Variants in ZNF577 observed in about 807,000 individuals in gnomAD.
ZNF577 encodes zinc finger protein 577.
A neutral mutation model predicts 13.9 loss-of-function variants in ZNF577; 14 were observed. The ratio of observed to expected loss-of-function variants is 1.00; its 90% CI spans 0.66 to 1.57. The LOEUF is 1.57. ZNF577 is among the 40% of genes most tolerant of loss of function. The pLI is 0.00. For missense variants in ZNF577, 555 were observed against 579.2 expected (o/e 0.96, Z 0.43); for synonymous variants, 203 against 202.9 (o/e 1.00, Z 0.00).
intron 9 of ZNF577, among the ~76,000 whole-genome samples, chr19:51,838,675 G>A (rs141318842): frequency 0.039 from 5,776 of 149,374 alleles, 154 homozygotes; most frequent in Middle Eastern, 0.068. Flanking sequence ...TTAAATATGC[G>A]TTTAACCTGA....
At chr19:51,851,726 C>G (rs1414992655) in intron 5 of ZNF577, among the ~76,000 whole-genome samples, 2 of 152,200 alleles carry the variant, frequency 1.3e-5, no homozygotes, top group African/African-American at 4.8e-5. Context: ...AGCCAGCAGC[C>G]TATGCTCTCA....
rs911684089 is a variant in ZNF577, at chr19:51,887,418, G to A, written c.-816C>T. The A allele has an allele frequency of 2.0e-5, 3 of 152,164 alleles. No homozygotes were observed. Among genetic ancestry groups the A allele is most frequent in the Admixed American group, 6.5e-5 (1 of 15,280 alleles). 9.4% of individuals were successfully genotyped at this position (152,164 alleles called of 1,614,324 possible). A position where few individuals can be genotyped will look rare whatever the true frequency, so the allele number is the denominator to read the frequency against. On this transcript the variant is annotated 5_prime_UTR_variant, in exon 1 of 6. Transcript: ENST00000638348. ...ACTAAACCAGAGTTATTTTCTGGAG[G>A]AGTATTTAAAATGATGGGGATGTTA... is the stretch of plus-strand genomic sequence containing the variant.
intron 9 of ZNF577, among the ~76,000 whole-genome samples, chr19:51,829,206 T>G (rs967053293): frequency 1.4e-4 from 21 of 152,090 alleles, no homozygotes; most frequent in Non-Finnish European, 2.1e-4. Context: ...AAAAGCAGGC[T>G]AGGGGACTGG....
intron 9 of ZNF577, among the ~76,000 whole-genome samples, chr19:51,827,813 T>A (rs556212422): frequency 2.0e-4 from 31 of 152,314 alleles, no homozygotes; most frequent in African/African-American, 7.0e-4. Flanking sequence ...GTCAATTCTG[T>A]ATTGTGAACA....
At chr19:51,833,437 T>C (rs979230496) in intron 9 of ZNF577, among the ~76,000 whole-genome samples, 5 of 121,588 alleles carry the variant, frequency 4.1e-5, no homozygotes, top group African/African-American at 1.6e-4. Context: ...GAAGTAGTTA[T>C]GTTGATTGTG....
At chr19:51,879,403 T>C (rs1325739612) in intron 3 of ZNF577, among the ~76,000 whole-genome samples, 1 of 151,762 alleles carries the variant, frequency 6.6e-6, no homozygotes, top group Non-Finnish European at 1.5e-5. Flanking sequence ...CCCCCATCTC[T>C]ACTAAAAATA....
chr19:51,860,923 T>C (rs1353846500), intron 5 of ZNF577: 1 of 418,212 alleles, frequency 2.4e-6, no homozygotes, highest in African/African-American at 2.1e-5. Context: ...GGTGTGATTC[T>C]TCTTAGCTTT....
chr19:51,872,608 C>T lies in ZNF577; in HGVS notation c.1382G>A (p.Ser461Asn), dbSNP rs763951497. 3.6e-5 allele frequency: 58 copies of T among 1,613,870 alleles called. No homozygotes were observed. The highest frequency in any genetic ancestry group is 4.6e-5 in the Non-Finnish European group (54 of 1,179,962). Residue 461 changes from serine (S) to asparagine (N), a missense_variant, in exon 6 of 6, where the codon AGC becomes AAC. Ser to Asn is a conservative substitution (Grantham distance 46). Transcript: ENST00000638348. ...VVNQEFEQRI[S>N]LTNEVNVAPS... is the part of the protein sequence containing the mutation. ...GGCCACATTCACTTCATTTGTGAGG[C>T]TTATTCTCTGTTCAAATTCCTGATT... is the stretch of plus-strand genomic sequence containing the variant.
chr19:51,810,470 G>A (rs952584341), intron 10 of ZNF577, among the ~76,000 whole-genome samples: 13 of 152,124 alleles, frequency 8.5e-5, no homozygotes, highest in African/African-American at 2.9e-4. Flanking sequence ...TTCAGGAATT[G>A]CGGCCCAGGT....
At chr19:51,866,960 G>A (rs1467739734), downstream of ZNF577, among the ~76,000 whole-genome samples, 4 of 151,624 alleles carry the variant, frequency 2.6e-5, no homozygotes, top group Admixed American at 6.6e-5. Flanking sequence ...GTGTGACAGA[G>A]TGAGATAAGA....
chr19:51,821,459 C>T (rs1190659508), intron 9 of ZNF577, among the ~76,000 whole-genome samples: 1 of 152,096 alleles, frequency 6.6e-6, no homozygotes, highest in East Asian at 1.9e-4. Context: ...TCCTACTGTG[C>T]ACAGAACAGT....
intron 5 of ZNF577, among the ~76,000 whole-genome samples, chr19:51,857,005 A>G (rs1449063023): frequency 6.6e-6 from 1 of 152,186 alleles, no homozygotes; most frequent in African/African-American, 2.4e-5. Context: ...GTCCATGAAG[A>G]CAACATCTGG....
At chr19:51,823,165 T>G (rs2084203364) in intron 9 of ZNF577, among the ~76,000 whole-genome samples, 1 of 152,148 alleles carries the variant, frequency 6.6e-6, no homozygotes, top group African/African-American at 2.4e-5. Context: ...GCCCGGCCTA[T>G]AGCATGTAAT....
At chr19:51,860,368 T>C (rs1033247601) in intron 5 of ZNF577, 2 of 152,258 alleles carry the variant, frequency 1.3e-5, no homozygotes, top group South Asian at 4.1e-4. Flanking sequence ...ACCAGAACCA[T>C]TGCTTTTAGG....
Position 51,872,686 on chromosome 19 carries a change from C to T in ZNF577, c.1304G>A (p.Arg435Lys). Residue 435 changes from arginine to lysine, a missense_variant, in exon 6 of 6, where the codon AGA becomes AAA. Physicochemically the swap from Arg to Lys is conservative, Grantham distance 26. Transcript: ENST00000638348. ...AGGTTGTTCCACAATCACTACATTTCTGCCCACTAGGCGCTCACTCTTGTT... is the reference window on the plus strand; with the variant it reads ...AGGTTGTTCCACAATCACTACATTTTTGCCCACTAGGCGCTCACTCTTGTT... ...LLNKSERLVG[R>K]NVVIVEQPFP... 3 of 1,614,210 alleles carry T rather than the reference C, an allele frequency of 1.9e-6. No individual in the cohort carries two copies. Among genetic ancestry groups the T allele is most frequent in the Non-Finnish European group, 2.5e-6 (3 of 1,180,028 alleles).
At chr19:51,885,749 C>A (rs961944765) in intron 1 of ZNF577, among the ~76,000 whole-genome samples, 1 of 152,170 alleles carries the variant, frequency 6.6e-6, no homozygotes, top group Non-Finnish European at 1.5e-5. Context: ...CTCAGGTGAT[C>A]TATCCGCCTC....
In ZNF577 at chr19:51,872,763, A is replaced by T. The variant is rs1318362956; in HGVS notation, c.1227T>A (p.Thr409=). The change falls in exon 6 of 6, where the codon ACT becomes ACA. Residue 409 remains threonine (T), a synonymous_variant. Transcript: ENST00000638348. The part of the protein sequence containing the change: ...YMSELIQEQK[T]VNTVPIEMPS... ...GCATTTCTATAGGTACTGTGTTCACAGTCTTTTGCTCTTGTATGAGTTCGC... is the reference window on the plus strand; with the variant it reads ...GCATTTCTATAGGTACTGTGTTCACTGTCTTTTGCTCTTGTATGAGTTCGC... The T allele has an allele frequency of 6.2e-7, 1 of 1,614,190 alleles. No homozygotes were observed. The highest frequency in any genetic ancestry group is 1.7e-5 in the Admixed American group (1 of 60,024).
chr19:51,833,147 C>G (rs556969359), intron 9 of ZNF577, among the ~76,000 whole-genome samples: 10 of 152,266 alleles, frequency 6.6e-5, no homozygotes, highest in African/African-American at 2.2e-4. Flanking sequence ...TCAACTCTAT[C>G]TGCCTTGTTC....
chr19:51,885,716 G>C (rs2084935812), intron 1 of ZNF577, among the ~76,000 whole-genome samples: 1 of 152,056 alleles, frequency 6.6e-6, no homozygotes, highest in African/African-American at 2.4e-5. Flanking sequence ...CATCATGTTG[G>C]CCAGATGTCT....
Sources: gnomAD v4.1 joint callset for allele counts (sites outside exome capture counted in the v4.1 genomes callset) on GRCh38, gnomAD v4.1.1 for gene constraint, MANE v1.5 for transcripts, NCBI Gene and HGNC (gene_info 2026-07-23, HGNC 2026-07-21) for gene names.